Variants in SREK1 observed in about 807,000 individuals in gnomAD.
SREK1 encodes splicing regulatory glutamine/lysine-rich protein 1.
Under a neutral mutation model 66.5 loss-of-function variants are expected in SREK1, and 13 were observed. The observed-to-expected ratio is 0.20, with a 90% confidence interval of 0.13 to 0.31. The LOEUF (loss-of-function observed/expected upper bound fraction) is 0.31, where lower values mean the gene tolerates loss of function less well. SREK1 is among the 10% of genes least tolerant of loss of function. SREK1 has a pLI of 1.00. For synonymous variants in SREK1, 265 were observed against 263.5 expected, an observed-to-expected ratio of 1.01 and a Z score of -0.05; for missense variants, 607 against 769.6, an observed-to-expected ratio of 0.79 and a Z score of 2.50.
At chr5:66,144,745 C>A in intron 1 of SREK1, 2 of 1,255,222 alleles carry the variant, frequency 1.6e-6, no homozygotes, top group Admixed American at 7.2e-5. Flanking sequence ...CTGCACGGAG[C>A]CCTTACCAAG....
intron 11 of SREK1, 40 bp downstream of exon 11, chr5:66,177,698 T>C: frequency 6.5e-7 from 1 of 1,546,872 alleles, no homozygotes; most frequent in Non-Finnish European, 8.7e-7. Flanking sequence ...TTGAAATGGT[T>C]CTTTATTGCA....
intron 2 of SREK1, chr5:66,158,824 G>A (rs770472925): frequency 7.8e-7 from 1 of 1,290,104 alleles, no homozygotes; most frequent in Non-Finnish European, 1.0e-6. Context: ...CAGCCAACAC[G>A]AACGGTTGTC....
At chr5:66,165,705 C>G (rs1745113564) in intron 7 of SREK1, 1 of 152,054 alleles carries the variant, frequency 6.6e-6, no homozygotes, top group Non-Finnish European at 1.5e-5. Context: ...ATAGTGGATC[C>G]TAATTGCATG....
At position 66,180,062 on chromosome 5, in the gene SREK1, A is replaced by G. The variant is rs1043343270; in HGVS notation, c.*1194A>G. ...GTTGTCTACATTGGATGGCCTTATT[A>G]CCTCTCAATCATCTTTTCATAAATG... On this transcript the variant is annotated 3_prime_UTR_variant, in exon 12 of 12. Transcript: ENST00000334121. The G allele has an allele frequency of 4.6e-5, 7 of 152,506 alleles. No homozygotes were observed. The highest frequency in any genetic ancestry group is 2.1e-4 in the South Asian group (1 of 4,830). 9.4% of individuals were successfully genotyped at this position (152,506 alleles called of 1,614,324 possible).
intron 1 of SREK1, chr5:66,145,206 C>G (rs1451179476): frequency 1.0e-6 from 1 of 971,110 alleles, no homozygotes. Context: ...AGGGTTATCC[C>G]TCCCGTATAC....
intron 7 of SREK1, chr5:66,165,621 C>A (rs1745105628): frequency 6.6e-6 from 1 of 152,192 alleles, no homozygotes; most frequent in Non-Finnish European, 1.5e-5. Context: ...CCCTAAAGAT[C>A]ATTACTAAAG....
chr5:66,163,996 A>G, intron 6 of SREK1, 74 bp downstream of exon 6: 1 of 1,515,340 alleles, frequency 6.6e-7, no homozygotes, highest in African/African-American at 1.4e-5. Context: ...GAATTTTAGA[A>G]ATCATCTTGT....
At chr5:66,153,355 G>A (rs1339925016) in intron 1 of SREK1, 108 bp from the exon 2 acceptor site, 1 of 1,413,318 alleles carries the variant, frequency 7.1e-7, no homozygotes, top group Admixed American at 2.3e-5. Flanking sequence ...AAGTTTTAAA[G>A]TCTTAATTTC....
At chr5:66,160,141 G>T (rs1432208083) in intron 3 of SREK1, among the ~76,000 whole-genome samples, 1 of 151,890 alleles carries the variant, frequency 6.6e-6, no homozygotes, top group Non-Finnish European at 1.5e-5. Context: ...AAAAAAAAGG[G>T]TATATTACTA....
chr5:66,144,807 G>T (rs2111890893), intron 1 of SREK1: 2 of 1,167,226 alleles, frequency 1.7e-6, no homozygotes, highest in Middle Eastern at 3.5e-4. Context: ...TTCGCTGCTG[G>T]GTCTTCGAAT....
intron 2 of SREK1, chr5:66,157,774 G>A: frequency 1.1e-6 from 1 of 886,934 alleles, no homozygotes; most frequent in Non-Finnish European, 1.4e-6. Flanking sequence ...TGCAAAGGTA[G>A]AAAATAGTAG....
chr5:66,144,611 G>GCGCGGA (rs1209876011), intron 1 of SREK1, 74 bp downstream of exon 1: 3 of 1,475,484 alleles, frequency 2.0e-6, no homozygotes, highest in Middle Eastern at 3.8e-4. Context: ...GTGGAGGAGA[G>GCGCGGA]CGCGGACGCG....
Position 66,144,407 on chromosome 5 carries a change from T to C in SREK1, c.31T>C (p.Leu11=). Residue 11 remains leucine, a synonymous_variant, in exon 1 of 12, where the codon TTA becomes CTA. Coordinates refer to ENST00000334121, the MANE Select transcript of SREK1 (RefSeq NM_001077199.3). MNSGGGFGLG[L]GFGLTPTSVI... is the part of the protein sequence containing the mutation. ...CAGCGGCGGCGGCTTCGGTTTGGGC[T>C]TAGGCTTCGGCCTCACCCCCACGTC... The C allele has an allele frequency of 1.3e-6, 2 of 1,550,950 alleles. No individual in the cohort carries two copies. Among genetic ancestry groups the C allele is most frequent in the Non-Finnish European group, 8.7e-7 (1 of 1,146,666 alleles).
At chr5:66,170,238 T>C in intron 8 of SREK1, 68 bp downstream of exon 8, 1 of 1,503,954 alleles carries the variant, frequency 6.6e-7, no homozygotes, top group South Asian at 1.4e-5. Context: ...AGGGATAATA[T>C]TTTAATTGGC....
rs1173625692 is a variant in SREK1 at position 66,179,939 on chromosome 5, A to G, written c.*1071A>G. On this transcript the variant is annotated 3_prime_UTR_variant, in exon 12 of 12. Coordinates refer to ENST00000334121, the MANE Select transcript of SREK1 (RefSeq NM_001077199.3). ...GAAGGAAGTCCTGTTTTCAAGAATG[A>G]CATTAGAGTCATGCAGCTTTGGGAC... The G allele has an allele frequency of 6.6e-6, 1 of 152,588 alleles. No homozygotes were observed. Among genetic ancestry groups the G allele is most frequent in the Non-Finnish European group, 1.5e-5 (1 of 67,996 alleles). The allele number at this position is 152,588 out of a possible 1,614,324, so 9.5% of individuals were successfully genotyped here.
rs1746491212 is a variant in SREK1, at chr5:66,181,581, T to C, written c.*2713T>C. On this transcript the variant is annotated 3_prime_UTR_variant, in exon 12 of 12. Coordinates refer to ENST00000334121, the MANE Select transcript of SREK1 (RefSeq NM_001077199.3). Reference sequence around the variant, plus strand: ...TTAAGTTGTAGTTGCTATTTATCATTGTAGACAAATTCTGTTGCCTTTCAG... The same window carrying C: ...TTAAGTTGTAGTTGCTATTTATCATCGTAGACAAATTCTGTTGCCTTTCAG... The C allele has an allele frequency of 6.6e-6, 1 of 152,184 alleles. No homozygotes were observed. The highest frequency in any genetic ancestry group is 2.4e-5 in the African/African-American group (1 of 41,454). 9.4% of individuals were successfully genotyped at this position (152,184 alleles called of 1,614,324 possible).
intron 6 of SREK1, chr5:66,164,140 A>T (rs1471132286): frequency 1.5e-5 from 7 of 478,190 alleles, no homozygotes; most frequent in African/African-American, 1.4e-4. Flanking sequence ...AGTCTGAGCT[A>T]ATCAGCTCTG....
At chr5:66,151,951 C>G (rs1054885277) in intron 1 of SREK1, among the ~76,000 whole-genome samples, 3 of 149,914 alleles carry the variant, frequency 2.0e-5, no homozygotes, top group Non-Finnish European at 3.0e-5. Context: ...GTTCACGCCA[C>G]TCTCCTGCCT....
chr5:66,158,895 A>G (rs1206954659), intron 2 of SREK1: 5 of 1,297,352 alleles, frequency 3.9e-6, no homozygotes, highest in Non-Finnish European at 5.0e-6. Flanking sequence ...TCCATGCTTG[A>G]TATCGTTTGG....
Sources: gnomAD v4.1 joint callset for allele counts (sites outside exome capture counted in the v4.1 genomes callset) on GRCh38, gnomAD v4.1.1 for gene constraint, MANE v1.5 for transcripts, NCBI Gene and HGNC (gene_info 2026-07-23, HGNC 2026-07-21) for gene names.